Variants in RIMS1 observed in about 807,000 individuals in gnomAD.
RIMS1 encodes the protein regulating synaptic membrane exocytosis protein 1.
Under a neutral mutation model 214.1 loss-of-function variants are expected in RIMS1, and 83 were observed. The ratio of observed to expected loss-of-function variants is 0.39; its 90% CI spans 0.32 to 0.47. The LOEUF (loss-of-function observed/expected upper bound fraction) is 0.47. RIMS1 is among the 20% of genes least tolerant of loss of function. The pLI is 0.99. For missense variants in RIMS1, 2,050 were observed against 2,161.8 expected, an observed-to-expected ratio of 0.95 and a Z score of 1.03; for synonymous variants, 793 against 786.8, an observed-to-expected ratio of 1.01 and a Z score of -0.13.
intron 23 of RIMS1, among the ~76,000 whole-genome samples, chr6:72,281,261 AAAG>A (rs1368684970): frequency 6.6e-6 from 1 of 152,124 alleles, no homozygotes; most frequent in Non-Finnish European, 1.5e-5. Flanking sequence ...TCTGGATTGG[AAAG>A]AAGATTATAT....
At chr6:72,146,737 C>T (rs1332746788) in intron 4 of RIMS1, among the ~76,000 whole-genome samples, 1 of 152,176 alleles carries the variant, frequency 6.6e-6, no homozygotes, top group Non-Finnish European at 1.5e-5. Context: ...CTAACCTAGA[C>T]AAAAATTTAT....
chr6:72,311,295 AG>A (rs1334495967), intron 27 of RIMS1, among the ~76,000 whole-genome samples: 1 of 152,218 alleles, frequency 6.6e-6, no homozygotes, highest in Non-Finnish European at 1.5e-5. Context: ...TTTGTAACGC[AG>A]CAACAGTGTT....
intron 4 of RIMS1, among the ~76,000 whole-genome samples, chr6:72,164,437 G>A (rs370513210): frequency 5.8e-4 from 88 of 152,186 alleles, no homozygotes; most frequent in Middle Eastern, 3.4e-3. Context: ...AGATGAACCC[G>A]GTACCTCAAT....
At chr6:72,146,288 T>C (rs1487974793) in intron 4 of RIMS1, among the ~76,000 whole-genome samples, 5 of 152,348 alleles carry the variant, frequency 3.3e-5, no homozygotes, top group Admixed American at 1.3e-4. Flanking sequence ...TCACGTGTCT[T>C]TCCCTTCTTT....
In RIMS1 at chr6:72,182,517, A is replaced by G. The variant is rs763316706; in HGVS notation, c.1046A>G (p.Glu349Gly). 68 of 1,584,564 alleles carry G rather than the reference A, an allele frequency of 4.3e-5. No individual in the cohort carries two copies. Among genetic ancestry groups the G allele is most frequent in the Non-Finnish European group, 5.3e-5 (62 of 1,165,644 alleles). ...AADEEKQRKE[E>G]DYQTRYRSDP... is the part of the protein sequence containing the mutation. ...GATGAGGAAAAGCAAAGAAAAGAGG[A>G]GGATTATCAGACCAGGTACCGCAGC... The change falls in exon 6 of 34, where the codon GAG (glutamate) becomes GGG (glycine). Residue 349 changes from glutamate (E) to glycine (G), a missense_variant. Glu to Gly is a moderately conservative substitution (Grantham distance 98). Around this residue, in one of 6 missense-constraint regions of RIMS1, gnomAD observed 882 missense variants for 828.9 expected, o/e 1.06. Transcript: ENST00000521978.
intron 29 of RIMS1, among the ~76,000 whole-genome samples, chr6:72,347,474 G>C (rs17690345): frequency 0.19 from 28,951 of 151,844 alleles, 3,460 homozygotes; most frequent in South Asian, 0.27. Context: ...ATCACAGAAA[G>C]TTTATAGATA....
intron 1 of RIMS1, among the ~76,000 whole-genome samples, chr6:71,956,715 A>T (rs1255148886): frequency 2.6e-5 from 4 of 152,160 alleles, no homozygotes; most frequent in African/African-American, 7.2e-5. Context: ...TTTATGACCG[A>T]CTATGATAAC....
chr6:72,350,107 T>C (rs1228170411), intron 29 of RIMS1, among the ~76,000 whole-genome samples: 1 of 152,086 alleles, frequency 6.6e-6, no homozygotes, highest in Admixed American at 6.6e-5. Context: ...TTATTCTCTT[T>C]CAAATCACAG....
At chr6:72,372,353 C>T (rs1024216621) in intron 29 of RIMS1, among the ~76,000 whole-genome samples, 14 of 152,110 alleles carry the variant, frequency 9.2e-5, no homozygotes, top group African/African-American at 3.4e-4. Flanking sequence ...TGTTAATGTA[C>T]TCCTGAGATA....
chr6:71,894,615 G>A (rs1771070396), intron 1 of RIMS1, among the ~76,000 whole-genome samples: 1 of 152,164 alleles, frequency 6.6e-6, no homozygotes, highest in South Asian at 2.1e-4. Context: ...GCCTTGCAAA[G>A]AGCAGCCTGC....
At position 71,887,147 on chromosome 6, in the gene RIMS1, C is replaced by G; in HGVS notation, c.124C>G (p.Arg42Gly). ...ERNIIMAVMD[R>G]QKEEEEKEEA... ...GAACATTATCATGGCAGTGATGGAC[C>G]GGCAGAAGGAAGAGGAGGAAAAAGA... The change falls in exon 1 of 34, where the codon CGG (arginine) becomes GGG (glycine). Residue 42 changes from arginine to glycine, a missense_variant. Arg to Gly is a moderately radical substitution (Grantham distance 125). Transcript: ENST00000521978. 1 of 1,612,634 alleles carries G rather than the reference C, an allele frequency of 6.2e-7. No individual in the cohort carries two copies. The highest frequency in any genetic ancestry group is 8.5e-7 in the Non-Finnish European group (1 of 1,179,342).
intron 2 of RIMS1, among the ~76,000 whole-genome samples, chr6:72,072,760 CTT>C (rs1188515971): frequency 2.0e-5 from 3 of 152,172 alleles, no homozygotes; most frequent in African/African-American, 7.2e-5. Context: ...TCTATAGTAA[CTT>C]AACTCCTGGG....
intron 4 of RIMS1, among the ~76,000 whole-genome samples, chr6:72,124,942 G>A (rs77420569): frequency 0.019 from 2,912 of 152,270 alleles, 37 homozygotes; most frequent in Non-Finnish European, 0.024. Flanking sequence ...TTAGCTCGAA[G>A]AAGTTTGTTA....
intron 2 of RIMS1, among the ~76,000 whole-genome samples, chr6:71,974,700 A>G (rs1796717380): frequency 6.6e-6 from 1 of 152,204 alleles, no homozygotes; most frequent in Non-Finnish European, 1.5e-5. Flanking sequence ...AAGAGATTAA[A>G]TGGATATGAT....
At chr6:71,984,532 A>T (rs1040513008) in intron 2 of RIMS1, among the ~76,000 whole-genome samples, 6 of 152,128 alleles carry the variant, frequency 3.9e-5, no homozygotes, top group African/African-American at 1.4e-4. Context: ...ACCTTAGTTA[A>T]TTTTTTTCCC....
chr6:72,289,212 A>G (rs1190106889), intron 24 of RIMS1, among the ~76,000 whole-genome samples: 3 of 152,208 alleles, frequency 2.0e-5, no homozygotes, highest in East Asian at 1.9e-4. Flanking sequence ...TGAAAACTGT[A>G]TAATTCCATT....
intron 31 of RIMS1, among the ~76,000 whole-genome samples, chr6:72,397,739 T>C (rs1232172756): frequency 9.9e-5 from 15 of 152,120 alleles, no homozygotes; most frequent in Admixed American, 9.8e-4. Context: ...TAATGACATG[T>C]CCATGCAGTA....
chr6:71,936,217 C>T (rs984199105), intron 1 of RIMS1, among the ~76,000 whole-genome samples: 17 of 149,228 alleles, frequency 1.1e-4, no homozygotes, highest in Admixed American at 8.1e-4. Flanking sequence ...GTCCCAGCTA[C>T]TCGGGAGGCT....
chr6:72,109,298 G>A (rs1019549155), intron 4 of RIMS1, among the ~76,000 whole-genome samples: 25 of 151,886 alleles, frequency 1.6e-4, no homozygotes, highest in Non-Finnish European at 3.7e-4. Context: ...AATGGTTGAA[G>A]TAGTTTACAG....
Sources: allele counts gnomAD v4.1 joint callset (sites outside exome capture counted in the v4.1 genomes callset), GRCh38; gene constraint gnomAD v4.1.1; regional missense constraint gnomAD v4.1.1; transcripts MANE v1.5; gene names NCBI Gene and HGNC (gene_info 2026-07-23, HGNC 2026-07-21).